Variants in NOM1 observed in about 807,000 individuals in gnomAD.
NOM1 encodes nucleolar protein with MIF4G domain 1, also known as nucleolar MIF4G domain-containing protein 1.
A neutral mutation model predicts 73.3 loss-of-function variants in NOM1; 58 were observed. The observed-to-expected ratio is 0.79, with a 90% CI of 0.64 to 0.99. The LOEUF is 0.99. Among genes scored for constraint, NOM1 ranks in the 50% least tolerant of loss-of-function variants. The pLI is 0.00. For missense variants in NOM1, 1,226 were observed against 1,131.9 expected (o/e 1.08, Z -1.19); for synonymous variants, 487 against 446.8 (o/e 1.09, Z -1.14).
At chr7:156,961,865 C>T (rs990251517) in intron 4 of NOM1, among the ~76,000 whole-genome samples, 2 of 151,910 alleles carry the variant, frequency 1.3e-5, no homozygotes, top group African/African-American at 2.4e-5. Flanking sequence ...TAGGTGTGGA[C>T]GGTGCGGAAG....
rs200248456 is a variant in NOM1, at chr7:156,962,199, C to T, written c.1681C>T (p.Arg561Cys). 4.5e-5 allele frequency: 72 copies of T among 1,613,944 alleles called. No homozygotes were observed. Among genetic ancestry groups the T allele is most frequent in the Non-Finnish European group, 5.3e-5 (63 of 1,180,004 alleles). The change falls in exon 5 of 11, where the codon CGC (arginine) becomes TGC (cysteine). Residue 561 changes from arginine to cysteine, a missense_variant. Physicochemically the swap from Arg to Cys is radical, Grantham distance 180. Coordinates refer to ENST00000275820, the MANE Select transcript of NOM1 (RefSeq NM_138400.2). ...GTTGGCCCTGAAGAACAATGACATG[C>T]GCAAAATTCCAGGCTATGACCCCGA... ...TMLALKNNDM[R>C]KIPGYDPEPV...
At chr7:156,953,394 C>G (rs1305985151) in intron 2 of NOM1, among the ~76,000 whole-genome samples, 1 of 152,162 alleles carries the variant, frequency 6.6e-6, no homozygotes, top group Non-Finnish European at 1.5e-5. Flanking sequence ...TCCGAAAGTG[C>G]TGGGATTACA....
chr7:156,966,225 T>G, intron 7 of NOM1, 45 bp from the exon 8 acceptor site: 3 of 1,607,632 alleles, frequency 1.9e-6, no homozygotes, highest in Non-Finnish European at 2.5e-6. Context: ...CCATTAAACT[T>G]TGGAAGTCGA....
rs765027252 is a variant in NOM1, at chr7:156,950,200, G to A, written c.463G>A (p.Ala155Thr). 3 of 1,609,394 alleles carry A rather than the reference G, an allele frequency of 1.9e-6. No individual in the cohort carries two copies. Among genetic ancestry groups the A allele is most frequent in the African/African-American group, 2.7e-5 (2 of 74,920 alleles). The change falls in exon 1 of 11, where the codon GCC (alanine) becomes ACC (threonine). Residue 155 changes from alanine (A) to threonine (T), a missense_variant. Physicochemically the swap from Ala to Thr is moderately conservative, Grantham distance 58. Transcript: ENST00000275820. Reference protein sequence around the residue: ...RPSRVKAKATAATAKTRPSAA... With the variant: ...RPSRVKAKATTATAKTRPSAA... Reference sequence around the variant, plus strand: ...GTCCCGGGTCAAGGCCAAGGCCACGGCCGCCACCGCAAAGACCAGACCCTC... The same window carrying A: ...GTCCCGGGTCAAGGCCAAGGCCACGACCGCCACCGCAAAGACCAGACCCTC...
chr7:156,968,349 G>C (rs1417481621), intron 9 of NOM1, among the ~76,000 whole-genome samples: 2 of 152,154 alleles, frequency 1.3e-5, no homozygotes, highest in Non-Finnish European at 1.5e-5. Flanking sequence ...CCTCCGGGCT[G>C]CTCTCATTCC....
In NOM1 at chr7:156,963,148, G is replaced by T. The variant is rs780534842; in HGVS notation, c.1884G>T (p.Thr628=). 3 of 1,614,130 alleles carry T rather than the reference G, an allele frequency of 1.9e-6. No homozygotes were observed. The South Asian group carries it at 3.3e-5, about 18-fold the overall frequency. The part of the protein sequence containing the change: ...GAPMIDNSHH[T]HLQKQLVGTV... ...CGATGATCGACAACAGTCACCATAC[G>T]CACCTGCAGAAGCAGCTTGTGGGGA... is the stretch of plus-strand genomic sequence containing the variant. Residue 628 remains threonine (T), a synonymous_variant, in exon 6 of 11, where the codon ACG becomes ACT. Transcript: ENST00000275820.
chr7:156,959,069 A>C (rs1031224929), intron 3 of NOM1, among the ~76,000 whole-genome samples: 17 of 151,982 alleles, frequency 1.1e-4, no homozygotes, highest in Non-Finnish European at 1.8e-4. Context: ...ATCTGCAAAA[A>C]AATCTTTTAA....
intron 8 of NOM1, 31 bp from the exon 9 acceptor site, chr7:156,966,930 G>GCCTTTTTTCT: frequency 6.3e-7 from 1 of 1,584,496 alleles, no homozygotes; most frequent in Non-Finnish European, 8.6e-7. Context: ...GTGGCCGTTT[G>GCCTTTTTTCT]CCTTTTTTCT....
chr7:156,969,782 C>T lies in NOM1; in HGVS notation c.*79C>T, dbSNP rs1442098054. 20 of 1,344,116 alleles carry T rather than the reference C, an allele frequency of 1.5e-5. No homozygotes were observed. The highest frequency in any genetic ancestry group is 4.8e-5 in the Admixed American group (2 of 42,026). The allele number at this position is 1,344,116 out of a possible 1,614,324, so 83.3% of individuals were successfully genotyped here. On this transcript the variant is annotated 3_prime_UTR_variant, in exon 11 of 11. Coordinates refer to ENST00000275820, the MANE Select transcript of NOM1 (RefSeq NM_138400.2). ...ACCCAAAGGCTTATTCTGTTGCCTG[C>T]GTGTGAATGTTTGGTAGAGCTATAT...
At position 156,971,727 on chromosome 7, in the gene NOM1, T is replaced by C. The variant is rs1217377498; in HGVS notation, c.*2024T>C. 6.6e-6 allele frequency: 1 copy of C among 152,268 alleles called. No homozygotes were observed. 9.4% of individuals were successfully genotyped at this position (152,268 alleles called of 1,614,324 possible). On this transcript the variant is annotated 3_prime_UTR_variant, in exon 11 of 11. Coordinates refer to ENST00000275820, the MANE Select transcript of NOM1 (RefSeq NM_138400.2). ...GTATCTGTGCATATCCCTAAACTAA[T>C]GGTTTAAGCTTTGAAGCATGCGCAA...
rs755983257 is a variant in NOM1 at position 156,952,572 on chromosome 7, G to A, written c.1086G>A (p.Lys362=). The change falls in exon 2 of 11, where the codon AAG becomes AAA. Residue 362 remains lysine (K), a synonymous_variant. Coordinates refer to ENST00000275820, the MANE Select transcript of NOM1 (RefSeq NM_138400.2). ...FKKKEELERL[K]KHVKGLLNRL... is the part of the protein sequence containing the mutation. Reference sequence around the variant, plus strand: ...AAAAGGAAGAACTAGAAAGGCTGAAGAAACATGTAAAAGGTCTACTTAACA... The same window carrying A: ...AAAAGGAAGAACTAGAAAGGCTGAAAAAACATGTAAAAGGTCTACTTAACA... 1.2e-6 allele frequency: 2 copies of A among 1,614,062 alleles called. No homozygotes were observed. The highest frequency in any genetic ancestry group is 8.5e-7 in the Non-Finnish European group (1 of 1,179,992).
chr7:156,967,017 TA>T lies in NOM1; in HGVS notation c.2224del (p.Thr742ArgfsTer14). ...KFRDLENLPATNFSNLVHLVA... is the reference protein window; with the variant it reads ...KFRDLENLPAXNFSNLVHLVA... ...TTCGGGACTTGGAAAACTTGCCAGC[TA>T]CGAATTTCTCTAATTTGGTTCATCT... is the stretch of plus-strand genomic sequence containing the variant. On this transcript the variant is annotated frameshift_variant, in exon 9 of 11. Coordinates refer to ENST00000275820, the MANE Select transcript of NOM1 (RefSeq NM_138400.2). LOFTEE classifies it high-confidence loss of function. The T allele has an allele frequency of 6.2e-7, 1 of 1,614,068 alleles. No individual in the cohort carries two copies. The highest frequency in any genetic ancestry group is 2.2e-5 in the East Asian group (1 of 44,878).
rs1428965205 is a variant in NOM1, at chr7:156,972,061, G to C, written c.*2358G>C. ...GCTTGATAGTGAAATAAGGAGCTTGGGCTAAGGTATAAATCAACACACTGC... is the reference window on the plus strand; with the variant it reads ...GCTTGATAGTGAAATAAGGAGCTTGCGCTAAGGTATAAATCAACACACTGC... On this transcript the variant is annotated 3_prime_UTR_variant, in exon 11 of 11. Coordinates refer to ENST00000275820, the MANE Select transcript of NOM1 (RefSeq NM_138400.2). 2.0e-5 allele frequency: 3 copies of C among 152,204 alleles called. No homozygotes were observed. The highest frequency in any genetic ancestry group is 7.2e-5 in the African/African-American group (3 of 41,434). 9.4% of individuals were successfully genotyped at this position (152,204 alleles called of 1,614,324 possible). A position where few individuals can be genotyped will look rare whatever the true frequency, so the allele number is the denominator to read the frequency against.
At chr7:156,968,687 TTATATATATATATATATATATATATATA>T (rs6150414) in intron 9 of NOM1, 8,161 of 132,618 alleles carry the variant, frequency 0.062, 390 homozygotes, top group Admixed American at 0.1. Flanking sequence ...GAAGTAAATT[TTATATATATATATATATATATATATATA>T]TATATATATA....
chr7:156,969,512 A>T lies in NOM1; in HGVS notation c.2409-17A>T. The T allele has an allele frequency of 5.0e-6, 8 of 1,609,290 alleles. No homozygotes were observed. Among genetic ancestry groups the T allele is most frequent in the Non-Finnish European group, 6.8e-6 (8 of 1,176,878 alleles). On this transcript the variant is annotated splice_polypyrimidine_tract_variant and intron_variant, in intron 10 of 10. Transcript: ENST00000275820. ...GCCAGCTCAGCCCTGACATGTGTTT[A>T]TACGATTCCTTTCCAGAGTATCTGA...
rs34176770 is a variant in NOM1, at chr7:156,954,522, C to CTTTTTTTTTTTTTTTTTTTTTTT, written c.1308+244_1308+245insTTTTTTTTTTTTTTTTTTTTTTT. On this transcript the variant is annotated intron_variant, in intron 3 of 10. Transcript: ENST00000275820. The stretch of plus-strand genomic sequence containing the variant: ...ACTTTGCTTTTTTGTTCTGTCCATT[C>CTTTTTTTTTTTTTTTTTTTTTTT]TTTTTTTTTTTTTTTTTTTTGAGAC... Among the ~76,000 whole-genome samples the CTTTTTTTTTTTTTTTTTTTTTTT allele has an allele frequency of 4.3e-3, 439 of 101,620 alleles. 32 individuals are homozygous for CTTTTTTTTTTTTTTTTTTTTTTT. The highest frequency in any genetic ancestry group is 8.4e-3 in the East Asian group (26 of 3,094). 66.7% of individuals were successfully genotyped at this position (101,620 alleles called of 152,430 possible).
At chr7:156,952,710 C>A in intron 2 of NOM1, 112 bp downstream of exon 2, 1 of 1,199,762 alleles carries the variant, frequency 8.3e-7, no homozygotes, top group Non-Finnish European at 1.2e-6. Flanking sequence ...TCGATTGGAT[C>A]CTTTCTGTTC....
In NOM1 at chr7:156,949,721, T is replaced by C. The variant is rs1281868926; in HGVS notation, c.-17T>C. 2.4e-4 allele frequency: 325 copies of C among 1,337,592 alleles called. 1 individual carries two copies. Among genetic ancestry groups the C allele is most frequent in the Non-Finnish European group, 3.0e-4 (313 of 1,049,594 alleles). 82.9% of individuals were successfully genotyped at this position (1,337,592 alleles called of 1,614,324 possible). A position where few individuals can be genotyped will look rare whatever the true frequency, so the allele number is the denominator to read the frequency against. ...TCCCGCCTCGGCCGGAAGTCGTGCG[T>C]CCACGCGTTTCGAAAGATGGCGGCG... On this transcript the variant is annotated 5_prime_UTR_variant, in exon 1 of 11. Coordinates refer to ENST00000275820, the MANE Select transcript of NOM1 (RefSeq NM_138400.2).
In NOM1 at chr7:156,952,464, T is replaced by G; in HGVS notation, c.988-10T>G. ...TAAATTTTTTGTAATTTATTTCTCTTTTCAAGCAGAGTCTTTGTGGAAGTG... is the reference window on the plus strand; with the variant it reads ...TAAATTTTTTGTAATTTATTTCTCTGTTCAAGCAGAGTCTTTGTGGAAGTG... On this transcript the variant is annotated splice_polypyrimidine_tract_variant and intron_variant, in intron 1 of 10. Coordinates refer to ENST00000275820, the MANE Select transcript of NOM1 (RefSeq NM_138400.2). The G allele has an allele frequency of 6.2e-7, 1 of 1,603,764 alleles. No homozygotes were observed. Among genetic ancestry groups the G allele is most frequent in the South Asian group, 1.1e-5 (1 of 88,602 alleles).
Sources: gnomAD v4.1 joint callset for allele counts (sites outside exome capture counted in the v4.1 genomes callset) on GRCh38, gnomAD v4.1.1 for gene constraint, MANE v1.5 for transcripts, NCBI Gene and HGNC (gene_info 2026-07-23, HGNC 2026-07-21) for gene names.